The following PKD1L1 variants were observed in gnomAD, a reference collection of about 807,000 sequenced individuals.
PKD1L1 encodes the protein polycystin 1 like 1, transient receptor potential channel interacting.
A neutral mutation model predicts 323.4 loss-of-function variants in PKD1L1; 236 were observed. The observed-to-expected ratio is 0.73, with a 90% confidence interval of 0.66 to 0.81. The LOEUF (loss-of-function observed/expected upper bound fraction) is 0.81, where lower values mean the gene tolerates loss of function less well. PKD1L1 is among the 40% of genes least tolerant of loss of function. PKD1L1 has a pLI of 0.00. For synonymous variants in PKD1L1, 1,344 were observed against 1,335.0 expected, an observed-to-expected ratio of 1.01 and a Z score of -0.15; for missense variants, 3,320 against 3,508.0, an observed-to-expected ratio of 0.95 and a Z score of 1.35.
intron 26 of PKD1L1, among the ~76,000 whole-genome samples, chr7:47,860,543 A>G (rs766490460): frequency 2.0e-5 from 3 of 152,230 alleles, no homozygotes; most frequent in Admixed American, 6.5e-5. Context: ...TTCCACCACA[A>G]TAAGATTAAA....
chr7:47,950,855 C>A (rs544225611), upstream of PKD1L1, among the ~76,000 whole-genome samples: 3 of 152,162 alleles, frequency 2.0e-5, no homozygotes, highest in Non-Finnish European at 4.4e-5. Flanking sequence ...CGCCTTTTTC[C>A]GGGCAGTGCG....
intron 10 of PKD1L1, 82 bp downstream of exon 10, chr7:47,905,761 G>A: frequency 1.3e-6 from 2 of 1,561,252 alleles, no homozygotes; most frequent in Admixed American, 4.2e-5. Flanking sequence ...AACAAAACCT[G>A]CTGCTGCCTA....
chr7:47,848,724 G>A (rs769791817), intron 31 of PKD1L1, among the ~76,000 whole-genome samples: 2 of 152,186 alleles, frequency 1.3e-5, no homozygotes, highest in Non-Finnish European at 2.9e-5. Flanking sequence ...AGAATCACTT[G>A]AACCCAGGAG....
the PKD1L1 span, chr7:47,957,077 T>TGTGC: frequency 6.5e-6 from 1 of 154,146 alleles, no homozygotes; most frequent in Admixed American, 6.5e-5. Context: ...CATTTGCTTT[T>TGTGC]GTGCATATAT....
chr7:47,914,142 T>C (rs945853008), intron 8 of PKD1L1, among the ~76,000 whole-genome samples: 2 of 152,214 alleles, frequency 1.3e-5, no homozygotes, highest in Non-Finnish European at 2.9e-5. Context: ...AAGGACATTT[T>C]ATAAATAAAA....
At chr7:47,929,651 G>C in intron 6 of PKD1L1, 125 bp from the exon 7 acceptor site, 1 of 841,506 alleles carries the variant, frequency 1.2e-6, no homozygotes, top group Non-Finnish European at 1.8e-6. Flanking sequence ...CCTGATGAAA[G>C]GCTTCACTTC....
intron 7 of PKD1L1, among the ~76,000 whole-genome samples, chr7:47,920,309 AAC>A (rs1787510875): frequency 6.6e-6 from 1 of 150,574 alleles, no homozygotes; most frequent in African/African-American, 2.5e-5. Context: ...AAAAAAAAAA[AAC>A]CACTTAGGAA....
At chr7:47,932,581 C>T (rs955134570) in intron 4 of PKD1L1, among the ~76,000 whole-genome samples, 9 of 152,180 alleles carry the variant, frequency 5.9e-5, no homozygotes, top group African/African-American at 1.7e-4. Flanking sequence ...ATCTTCGTGT[C>T]CCCCATCATA....
At chr7:47,891,923 C>A (rs1786828087) in intron 15 of PKD1L1, among the ~76,000 whole-genome samples, 1 of 152,190 alleles carries the variant, frequency 6.6e-6, no homozygotes, top group Admixed American at 6.5e-5. Context: ...TCCAAGCAGC[C>A]TTTTGCCTCC....
chr7:47,835,871 G>A (rs569370110), intron 37 of PKD1L1, among the ~76,000 whole-genome samples: 38 of 152,176 alleles, frequency 2.5e-4, no homozygotes, highest in Admixed American at 7.8e-4. Flanking sequence ...TATACAAATC[G>A]TTTTGGATTG....
chr7:47,811,156 T>TC (rs1277206093), intron 50 of PKD1L1, among the ~76,000 whole-genome samples: 4 of 142,950 alleles, frequency 2.8e-5, no homozygotes, highest in Non-Finnish European at 4.6e-5. Flanking sequence ...GTCTCCTTCT[T>TC]TTTTTTTTTT....
At position 47,905,291 on chromosome 7, in the gene PKD1L1, G is replaced by A. The variant is rs1229264275; in HGVS notation, c.1557C>T (p.Ala519=). 1.9e-6 allele frequency: 3 copies of A among 1,614,070 alleles called. No homozygotes were observed. The highest frequency in any genetic ancestry group is 2.5e-6 in the Non-Finnish European group (3 of 1,180,012). ...CTGTAAATGTAATGTCTGTGTCTGT[G>A]GCAAACACAGTTCCATTTGTGTAGA... ...VSVYTNGTVF[A]TDTDITFTAV... Residue 519 remains alanine, a synonymous_variant, in exon 11 of 57, where the codon GCC becomes GCT. Transcript: ENST00000289672.
the PKD1L1 span, among the ~76,000 whole-genome samples, chr7:47,959,099 C>T: frequency 1.3e-5 from 2 of 152,272 alleles, no homozygotes; most frequent in Non-Finnish European, 2.9e-5. Flanking sequence ...GCCGGGATTG[C>T]AGATGGAGTC....
intron 56 of PKD1L1, among the ~76,000 whole-genome samples, chr7:47,778,741 A>G (rs1786625934): frequency 6.6e-6 from 1 of 152,198 alleles, no homozygotes; most frequent in Non-Finnish European, 1.5e-5. Context: ...TCTCATAAGA[A>G]TTTGAATTTC....
At position 47,812,019 on chromosome 7, in the gene PKD1L1, C is replaced by A; in HGVS notation, c.7379G>T (p.Arg2460Met). The A allele has an allele frequency of 6.3e-7, 1 of 1,576,348 alleles. No homozygotes were observed. Among genetic ancestry groups the A allele is most frequent in the Non-Finnish European group, 8.6e-7 (1 of 1,160,902 alleles). ...GCTGCGGTCAATCCACATGCTGGCC[C>A]TGAGTCGGGACAGGGCTGTGTGGGC... ...TEAHTALSRL[R>M]ASMWIDRSTR... The change falls in exon 50 of 57, where the codon AGG becomes ATG. Residue 2460 changes from arginine to methionine, a missense_variant. Transcript: ENST00000289672.
intron 31 of PKD1L1, among the ~76,000 whole-genome samples, chr7:47,852,325 G>C (rs931883832): frequency 1.3e-5 from 2 of 152,190 alleles, no homozygotes; most frequent in African/African-American, 4.8e-5. Context: ...AAGAACACAT[G>C]AAATGCAACA....
intron 37 of PKD1L1, among the ~76,000 whole-genome samples, chr7:47,836,539 C>T (rs1477407966): frequency 1.3e-5 from 2 of 152,318 alleles, no homozygotes; most frequent in African/African-American, 2.4e-5. Flanking sequence ...AAAATGTGGC[C>T]ATCAGAATGG....
chr7:47,825,161 G>C (rs1413004748), intron 45 of PKD1L1, among the ~76,000 whole-genome samples: 2 of 152,150 alleles, frequency 1.3e-5, no homozygotes, highest in African/African-American at 4.8e-5. Context: ...AAGTGAAAGG[G>C]CCATTTGAAC....
At chr7:47,812,265 T>C (rs1165284838) in intron 49 of PKD1L1, among the ~76,000 whole-genome samples, 1 of 152,036 alleles carries the variant, frequency 6.6e-6, no homozygotes, top group South Asian at 2.1e-4. Flanking sequence ...CCCCACCCTC[T>C]TCCCTGCAGC....
Sources: gnomAD v4.1 joint callset for allele counts (sites outside exome capture counted in the v4.1 genomes callset) on GRCh38, gnomAD v4.1.1 for gene constraint, MANE v1.5 for transcripts, NCBI Gene and HGNC (gene_info 2026-07-23, HGNC 2026-07-21) for gene names.